Variants in MPEG1 observed in about 807,000 individuals in gnomAD.
MPEG1 encodes the protein macrophage-expressed gene 1 protein.
For synonymous variants in MPEG1, 365 were observed against 351.9 expected (o/e 1.04, Z -0.42); for missense variants, 876 against 880.3 (o/e 1.00, Z 0.06).
rs1862907717 is a variant in MPEG1 at position 59,212,391 on chromosome 11, CT to C, written c.474del (p.Val159SerfsTer7). On this transcript the variant is annotated frameshift_variant, in exon 1 of 1. Coordinates refer to ENST00000361050, the MANE Select transcript of MPEG1 (RefSeq NM_001039396.2). LOFTEE classifies it low-confidence loss of function (END_TRUNC). ...TRVQVRNLVY[T>X]VKINPTLELS... is the part of the protein sequence containing the mutation. ...AGCTCTAAAGTTGGGTTGATTTTGA[CT>C]GTGTAGACGAGGTTTCTTACCTGAA... is the stretch of plus-strand genomic sequence containing the variant. 9.9e-6 allele frequency: 16 copies of C among 1,614,068 alleles called. No individual in the cohort carries two copies. The highest frequency in any genetic ancestry group is 1.2e-5 in the Non-Finnish European group (14 of 1,180,032).
chr11:59,211,322 G>A lies in MPEG1; in HGVS notation c.1544C>T (p.Ser515Phe). ...CCTGCTTCCCAACTCATAGTCCTGA[G>A]AAACACATACCTTGAGGTTTTCAAA... ...RLFENLKVCV[S>F]QDYELGSRFA... Residue 515 changes from serine to phenylalanine, a missense_variant, in exon 1 of 1, where the codon TCT (serine) becomes TTT (phenylalanine). Transcript: ENST00000361050. 2 of 1,614,182 alleles carry A rather than the reference G, an allele frequency of 1.2e-6. No homozygotes were observed. Among genetic ancestry groups the A allele is most frequent in the Non-Finnish European group, 1.7e-6 (2 of 1,180,024 alleles).
chr11:59,209,429 A>G lies in MPEG1; in HGVS notation c.*1286T>C, dbSNP rs1862858239. ...GAAAGTAGTGGAGGTAATTACAATC[A>G]GGAGAGATTGGTATTAAAATTGAGC... On this transcript the variant is annotated 3_prime_UTR_variant, in exon 1 of 1. Coordinates refer to ENST00000361050, the MANE Select transcript of MPEG1 (RefSeq NM_001039396.2). 1 of 152,242 alleles carries G rather than the reference A, an allele frequency of 6.6e-6. No homozygotes were observed. Among genetic ancestry groups the G allele is most frequent in the African/African-American group, 2.4e-5 (1 of 41,454 alleles). The allele number at this position is 152,242 out of a possible 1,614,324, so 9.4% of individuals were successfully genotyped here.
chr11:59,212,868 C>G lies in MPEG1; in HGVS notation c.-3G>C. 3 of 1,610,674 alleles carry G rather than the reference C, an allele frequency of 1.9e-6. No individual in the cohort carries two copies. The highest frequency in any genetic ancestry group is 2.5e-6 in the Non-Finnish European group (3 of 1,177,940). On this transcript the variant is annotated 5_prime_UTR_variant, in exon 1 of 1. Transcript: ENST00000361050. Reference sequence around the variant, plus strand: ...ATGGTGGCCCTGAAGTTGTTCATGGCTCAGACAGCCCCAGCCACTCACCAG... The same window carrying G: ...ATGGTGGCCCTGAAGTTGTTCATGGGTCAGACAGCCCCAGCCACTCACCAG...
rs771098556 is a variant in MPEG1, at chr11:59,209,842, TGGTATGTGTGTGCGTGTGTGTGTGTG to T, written c.*847_*872del. The T allele has an allele frequency of 3.7e-5, 4 of 106,980 alleles. No individual in the cohort carries two copies. The highest frequency in any genetic ancestry group is 2.6e-4 in the East Asian group (1 of 3,896). 6.6% of individuals were successfully genotyped at this position (106,980 alleles called of 1,614,324 possible). ...AGAACAATGAAGACTTATTGAAATG[TGGTATGTGTGTGCGTGTGTGTGTGTG>T]TGTGTGTGTGTGTGTGTGTGTGTGT... On this transcript the variant is annotated 3_prime_UTR_variant, in exon 1 of 1. Transcript: ENST00000361050.
chr11:59,208,775 T>C lies in MPEG1; in HGVS notation c.*1940A>G, dbSNP rs1204012053. 2 of 152,226 alleles carry C rather than the reference T, an allele frequency of 1.3e-5. No homozygotes were observed. The allele number at this position is 152,226 out of a possible 1,614,324, so 9.4% of individuals were successfully genotyped here. A position where few individuals can be genotyped will look rare whatever the true frequency, so the allele number is the denominator to read the frequency against. ...CCGCAAAACGACTTGATGAATGCAA[T>C]TGGCAAACTCCCATGTTCGGACTTC... On this transcript the variant is annotated 3_prime_UTR_variant, in exon 1 of 1. Coordinates refer to ENST00000361050, the MANE Select transcript of MPEG1 (RefSeq NM_001039396.2).
Position 59,212,874 on chromosome 11 carries a change from C to T in MPEG1, c.-9G>A, listed in dbSNP as rs1862915093. 1 of 1,608,096 alleles carries T rather than the reference C, an allele frequency of 6.2e-7. No individual in the cohort carries two copies. The highest frequency in any genetic ancestry group is 1.7e-5 in the Admixed American group (1 of 59,810). On this transcript the variant is annotated 5_prime_UTR_variant, in exon 1 of 1. Coordinates refer to ENST00000361050, the MANE Select transcript of MPEG1 (RefSeq NM_001039396.2). The stretch of plus-strand genomic sequence containing the variant: ...GCCCTGAAGTTGTTCATGGCTCAGA[C>T]AGCCCCAGCCACTCACCAGCCCTAC...
At position 59,212,229 on chromosome 11, in the gene MPEG1, C is replaced by T; in HGVS notation, c.637G>A (p.Ala213Thr). The change falls in exon 1 of 1, where the codon GCT becomes ACT. Residue 213 changes from alanine to threonine, a missense_variant. Physicochemically the swap from Ala to Thr is moderately conservative, Grantham distance 58. Coordinates refer to ENST00000361050, the MANE Select transcript of MPEG1 (RefSeq NM_001039396.2). ...THVTTSVDAG[A>T]ALIQEDHLRA... is the part of the protein sequence containing the mutation. Reference sequence around the variant, plus strand: ...AGGTGGTCCTCCTGAATAAGAGCAGCCCCAGCGTCGACACTGGTGGTGACG... The same window carrying T: ...AGGTGGTCCTCCTGAATAAGAGCAGTCCCAGCGTCGACACTGGTGGTGACG... The T allele has an allele frequency of 6.2e-7, 1 of 1,613,754 alleles. No individual in the cohort carries two copies. The highest frequency in any genetic ancestry group is 8.5e-7 in the Non-Finnish European group (1 of 1,180,026).
chr11:59,211,314 A>C lies in MPEG1; in HGVS notation c.1552T>G (p.Tyr518Asp), dbSNP rs771773822. The C allele has an allele frequency of 1.2e-6, 2 of 1,614,210 alleles. No homozygotes were observed. The highest frequency in any genetic ancestry group is 4.5e-5 in the East Asian group (2 of 44,882). The part of the protein sequence containing the change: ...ENLKVCVSQD[Y>D]ELGSRFAVPF... ...ACCGCAAACCTGCTTCCCAACTCAT[A>C]GTCCTGAGAAACACATACCTTGAGG... Residue 518 changes from tyrosine to aspartate, a missense_variant, in exon 1 of 1, where the codon TAT becomes GAT. Physicochemically the swap from Tyr to Asp is radical, Grantham distance 160. Transcript: ENST00000361050.
Position 59,210,528 on chromosome 11 carries a change from C to G in MPEG1, c.*187G>C. On this transcript the variant is annotated 3_prime_UTR_variant, in exon 1 of 1. Transcript: ENST00000361050. Reference sequence around the variant, plus strand: ...CCAGAATCACTTTTGCTTCTAGTCCCAACTGTTCCCTCTCCCCAATCCCAA... The same window carrying G: ...CCAGAATCACTTTTGCTTCTAGTCCGAACTGTTCCCTCTCCCCAATCCCAA... 1 of 601,376 alleles carries G rather than the reference C, an allele frequency of 1.7e-6. No homozygotes were observed. The highest frequency in any genetic ancestry group is 2.9e-6 in the Non-Finnish European group (1 of 341,834). 37.3% of individuals were successfully genotyped at this position (601,376 alleles called of 1,614,324 possible).
At position 59,209,485 on chromosome 11, in the gene MPEG1, T is replaced by C. The variant is rs886470004; in HGVS notation, c.*1230A>G. On this transcript the variant is annotated 3_prime_UTR_variant, in exon 1 of 1. Coordinates refer to ENST00000361050, the MANE Select transcript of MPEG1 (RefSeq NM_001039396.2). ...CCCAACTCTCACCAGATGACAATTA[T>C]GCATCCTGCTAGATGCCCCAGGGCT... The C allele has an allele frequency of 6.6e-6, 1 of 152,238 alleles. No homozygotes were observed. 9.4% of individuals were successfully genotyped at this position (152,238 alleles called of 1,614,324 possible).
chr11:59,210,991 G>A lies in MPEG1; in HGVS notation c.1875C>T (p.Ser625=), dbSNP rs755463294. The change falls in exon 1 of 1, where the codon TCC becomes TCT. Residue 625 remains serine, a synonymous_variant. Transcript: ENST00000361050. ...SENARSWIKD[S]QTHQWRLGEP... ...CTCCCAGCCTCCACTGGTGGGTCTG[G>A]GAGTCTTTAATCCAGGATCTCGCAT... 5.6e-6 allele frequency: 9 copies of A among 1,614,106 alleles called. No individual in the cohort carries two copies. The South Asian group carries it at 7.7e-5, about 14-fold the overall frequency.
Position 59,212,531 on chromosome 11 carries a change from G to A in MPEG1, c.335C>T (p.Ser112Phe). ...ESWANYQSSTSYSINTELSLF... is the reference protein window; with the variant it reads ...ESWANYQSSTFYSINTELSLF... Reference sequence around the variant, plus strand: ...AGAGAGTTCTGTGTTGATGGAGTAGGAGGTGCTACTCTGGTAATTTGCCCA... The same window carrying A: ...AGAGAGTTCTGTGTTGATGGAGTAGAAGGTGCTACTCTGGTAATTTGCCCA... The change falls in exon 1 of 1, where the codon TCC (serine) becomes TTC (phenylalanine). Residue 112 changes from serine (S) to phenylalanine (F), a missense_variant. Transcript: ENST00000361050. 1 of 1,614,194 alleles carries A rather than the reference G, an allele frequency of 6.2e-7. No homozygotes were observed. The highest frequency in any genetic ancestry group is 8.5e-7 in the Non-Finnish European group (1 of 1,180,012).
In MPEG1 at chr11:59,211,777, G is replaced by T; in HGVS notation, c.1089C>A (p.Asn363Lys). The T allele has an allele frequency of 6.2e-7, 1 of 1,614,202 alleles. No individual in the cohort carries two copies. Among genetic ancestry groups the T allele is most frequent in the Non-Finnish European group, 8.5e-7 (1 of 1,180,044 alleles). Residue 363 changes from asparagine (N) to lysine (K), a missense_variant, in exon 1 of 1, where the codon AAC (asparagine) becomes AAA (lysine). Physicochemically the swap from Asn to Lys is moderately conservative, Grantham distance 94 (BLOSUM62 0). Coordinates refer to ENST00000361050, the MANE Select transcript of MPEG1 (RefSeq NM_001039396.2). ...LNSPNFNFQANTDDGSCEGKM... is the reference protein window; with the variant it reads ...LNSPNFNFQAKTDDGSCEGKM... ...TCCCCTCGCAGGAGCCATCATCCGT[G>T]TTGGCCTGAAAATTGAAGTTGGGAG...
chr11:59,210,619 T>C lies in MPEG1; in HGVS notation c.*96A>G. On this transcript the variant is annotated 3_prime_UTR_variant, in exon 1 of 1. Transcript: ENST00000361050. Reference sequence around the variant, plus strand: ...CTAAACAAGAAGTCACGAATATACCTACTTTTGGTTGCACTTGCCATTTCA... The same window carrying C: ...CTAAACAAGAAGTCACGAATATACCCACTTTTGGTTGCACTTGCCATTTCA... The C allele has an allele frequency of 9.1e-7, 1 of 1,099,870 alleles. No homozygotes were observed. Among genetic ancestry groups the C allele is most frequent in the East Asian group, 2.4e-5 (1 of 42,012 alleles). 68.1% of individuals were successfully genotyped at this position (1,099,870 alleles called of 1,614,324 possible).
At position 59,209,084 on chromosome 11, in the gene MPEG1, T is replaced by G. The variant is rs998814687; in HGVS notation, c.*1631A>C. Reference sequence around the variant, plus strand: ...CAAAACACTCAGAGGTTTAGGAGAATGTTTTAATGCTTAAGAGGCAGGATC... The same window carrying G: ...CAAAACACTCAGAGGTTTAGGAGAAGGTTTTAATGCTTAAGAGGCAGGATC... On this transcript the variant is annotated 3_prime_UTR_variant, in exon 1 of 1. Coordinates refer to ENST00000361050, the MANE Select transcript of MPEG1 (RefSeq NM_001039396.2). 2 of 152,192 alleles carry G rather than the reference T, an allele frequency of 1.3e-5. No homozygotes were observed. Among genetic ancestry groups the G allele is most frequent in the East Asian group, 3.9e-4 (2 of 5,194 alleles). The allele number at this position is 152,192 out of a possible 1,614,324, so 9.4% of individuals were successfully genotyped here.
chr11:59,211,982 C>A lies in MPEG1; in HGVS notation c.884G>T (p.Gly295Val). 5.0e-6 allele frequency: 8 copies of A among 1,611,118 alleles called. No homozygotes were observed. Among genetic ancestry groups the A allele is most frequent in the Non-Finnish European group, 6.8e-6 (8 of 1,178,132 alleles). The change falls in exon 1 of 1, where the codon GGT becomes GTT. Residue 295 changes from glycine to valine, a missense_variant. Physicochemically the swap from Gly to Val is moderately radical, Grantham distance 109. Transcript: ENST00000361050. ...PGITLQAWQQ[G>V]ITNHLVAIDR... ...GATGGCCACCAGGTGGTTGGTGATACCCTGCTGCCAGGCCTGGAGGGTGAT... is the reference window on the plus strand; with the variant it reads ...GATGGCCACCAGGTGGTTGGTGATAACCTGCTGCCAGGCCTGGAGGGTGAT...
Position 59,209,744 on chromosome 11 carries a change from G to GGTATGT in MPEG1, c.*970_*971insACATAC. The GGTATGT allele has an allele frequency of 9.4e-6, 1 of 106,102 alleles. No individual in the cohort carries two copies. The highest frequency in any genetic ancestry group is 3.8e-5 in the African/African-American group (1 of 26,494). The allele number at this position is 106,102 out of a possible 1,614,324, so 6.6% of individuals were successfully genotyped here. A position where few individuals can be genotyped will look rare whatever the true frequency, so the allele number is the denominator to read the frequency against. On this transcript the variant is annotated 3_prime_UTR_variant, in exon 1 of 1. Transcript: ENST00000361050. ...CAGAACCATGCAGACATTGAAATGT[G>GGTATGT]GTGTGCGTGTGTGTGTGTGTGTGTG...
At position 59,211,551 on chromosome 11, in the gene MPEG1, A is replaced by G. The variant is rs749750807; in HGVS notation, c.1315T>C (p.Cys439Arg). ...GYNHLECHRK[C>R]TLLVFCKTVC... ...GTCTTGCAGAAGACGAGGAGAGTGC[A>G]CTTTCGATGACACTCCAGGTGGTTG... Residue 439 changes from cysteine (C) to arginine (R), a missense_variant, in exon 1 of 1, where the codon TGC (cysteine) becomes CGC (arginine). By Grantham distance (180) the Cys-to-Arg change is radical. Coordinates refer to ENST00000361050, the MANE Select transcript of MPEG1 (RefSeq NM_001039396.2). 3 of 1,614,048 alleles carry G rather than the reference A, an allele frequency of 1.9e-6. No homozygotes were observed. Among genetic ancestry groups the G allele is most frequent in the Non-Finnish European group, 1.7e-6 (2 of 1,179,952 alleles).
chr11:59,211,701 A>G lies in MPEG1; in HGVS notation c.1165T>C (p.Ser389Pro). ...GGVYQECTQL[S>P]GNRDVLLCQK... ...CAGAGGAGGACATCCCTATTCCCTG[A>G]GAGCTGAGTGCATTCCTGATAAACC... The change falls in exon 1 of 1, where the codon TCA becomes CCA. Residue 389 changes from serine (S) to proline (P), a missense_variant. Transcript: ENST00000361050. 2.5e-6 allele frequency: 4 copies of G among 1,614,234 alleles called. No individual in the cohort carries two copies. The highest frequency in any genetic ancestry group is 3.4e-6 in the Non-Finnish European group (4 of 1,180,036).
Sources: allele counts gnomAD v4.1 joint callset, GRCh38; gene constraint gnomAD v4.1.1; transcripts MANE v1.5; gene names NCBI Gene and HGNC (gene_info 2026-07-23, HGNC 2026-07-21).